Variants in ZNF16 observed in about 807,000 individuals in gnomAD.
The protein encoded by ZNF16 is zinc finger protein 16, also known as zinc finger protein KOX9.
A neutral mutation model predicts 9.0 loss-of-function variants in ZNF16; 7 were observed. The observed-to-expected ratio is 0.78, with a 90% CI of 0.44 to 1.47. The LOEUF is 1.47. Ranked by LOEUF, ZNF16 falls within the 40% of genes most tolerant of loss-of-function variation. ZNF16 has a pLI of 0.01. For synonymous variants in ZNF16, 312 were observed against 301.5 expected (o/e 1.03, Z -0.36); for missense variants, 830 against 854.2 (o/e 0.97, Z 0.35).
In ZNF16 at chr8:144,946,058, C is replaced by G; in HGVS notation, c.149G>C (p.Cys50Ser). 1 of 1,613,750 alleles carries G rather than the reference C, an allele frequency of 6.2e-7. No homozygotes were observed. The highest frequency in any genetic ancestry group is 8.5e-7 in the Non-Finnish European group (1 of 1,179,742). ...PGSAACGTPCCSDTELEAICP... is the reference protein window; with the variant it reads ...PGSAACGTPCSSDTELEAICP... ...GATGGCTTCCAGCTCAGTATCACTACAGCAGGGGGTACCACAGGCTGCAGA... is the reference window on the plus strand; with the variant it reads ...GATGGCTTCCAGCTCAGTATCACTAGAGCAGGGGGTACCACAGGCTGCAGA... Residue 50 changes from cysteine to serine, a missense_variant, in exon 2 of 3, where the codon TGT becomes TCT. Physicochemically the swap from Cys to Ser is moderately radical, Grantham distance 112. Transcript: ENST00000394909.
Position 144,946,035 on chromosome 8 carries a change from T to C in ZNF16, c.172A>G (p.Ile58Val). ...PCCSDTELEA[I>V]CPHYQQPDCD... ...CCTGGCTGCTGATAGTGAGGGCAGATGGCTTCCAGCTCAGTATCACTACAG... is the reference window on the plus strand; with the variant it reads ...CCTGGCTGCTGATAGTGAGGGCAGACGGCTTCCAGCTCAGTATCACTACAG... The change falls in exon 2 of 3, where the codon ATC (isoleucine) becomes GTC (valine). Residue 58 changes from isoleucine (I) to valine (V), a missense_variant. By Grantham distance (29) the Ile-to-Val change is conservative (BLOSUM62 3). Transcript: ENST00000394909. 2 of 1,613,804 alleles carry C rather than the reference T, an allele frequency of 1.2e-6. No individual in the cohort carries two copies. Among genetic ancestry groups the C allele is most frequent in the Non-Finnish European group, 1.7e-6 (2 of 1,179,812 alleles).
At chr8:144,945,364 C>G (rs1833900766) in intron 2 of ZNF16, 1 of 152,310 alleles carries the variant, frequency 6.6e-6, no homozygotes, top group Non-Finnish European at 1.5e-5. Flanking sequence ...GTCTCGAACT[C>G]CTGGCCTCAA....
Position 144,930,971 on chromosome 8 carries a change from A to G in ZNF16, c.1816T>C (p.Cys606Arg), listed in dbSNP as rs146707278. Residue 606 changes from cysteine (C) to arginine (R), a missense_variant, in exon 3 of 3, where the codon TGT (cysteine) becomes CGT (arginine). Transcript: ENST00000394909. Reference sequence around the variant, plus strand: ...GAGCTCTGGCTGAAGCCCTTACCACATTCAACACAGGTGTAGGGTTTTTCC... The same window carrying G: ...GAGCTCTGGCTGAAGCCCTTACCACGTTCAACACAGGTGTAGGGTTTTTCC... The part of the protein sequence containing the change: ...TGEKPYTCVE[C>R]GKGFSQSSHL... 4 of 1,614,164 alleles carry G rather than the reference A, an allele frequency of 2.5e-6. No individual in the cohort carries two copies. Among genetic ancestry groups the G allele is most frequent in the South Asian group, 2.2e-5 (2 of 91,088 alleles).
intron 2 of ZNF16, among the ~76,000 whole-genome samples, chr8:144,942,378 C>T (rs1833823398): frequency 6.6e-6 from 1 of 151,902 alleles, no homozygotes; most frequent in Admixed American, 6.6e-5. Context: ...ACCTCTGCCT[C>T]CTGGGTTCAA....
intron 1 of ZNF16, among the ~76,000 whole-genome samples, chr8:144,947,059 G>A (rs74214297): frequency 3.8e-5 from 5 of 130,158 alleles, no homozygotes; most frequent in African/African-American, 1.4e-4. Context: ...CCTGTGTCCT[G>A]CTGTGGGCCT....
Position 144,931,863 on chromosome 8 carries a change from A to C in ZNF16, c.924T>G (p.Leu308=), listed in dbSNP as rs762871025. The C allele has an allele frequency of 8.1e-6, 13 of 1,613,750 alleles. No homozygotes were observed. In the African/African-American group the frequency reaches 1.7e-4, roughly 22 times the overall value. ...CGKAFSQNSS[L]KKHQKSHMSE... ...TCATGTGAGACTTTTGGTGCTTTTT[A>C]AGGCTCGAGTTCTGGCTGAAGGCTT... The change falls in exon 3 of 3, where the codon CTT becomes CTG. Residue 308 remains leucine, a synonymous_variant. Coordinates refer to ENST00000394909, the MANE Select transcript of ZNF16 (RefSeq NM_006958.3).
chr8:144,933,793 C>T lies in ZNF16; in HGVS notation c.197-1203G>A, dbSNP rs996925577. Reference sequence around the variant, plus strand: ...CCCAGAGCACTCTCCACATGGCCCTCGTGCTACCCACTTCCCTTGCACAGG... The same window carrying T: ...CCCAGAGCACTCTCCACATGGCCCTTGTGCTACCCACTTCCCTTGCACAGG... On this transcript the variant is annotated intron_variant, in intron 2 of 2. Coordinates refer to ENST00000394909, the MANE Select transcript of ZNF16 (RefSeq NM_006958.3). The surrounding 1 kb of genome is among the most constrained non-coding windows in gnomAD (Gnocchi z 5.6). Among the ~76,000 whole-genome samples the T allele has an allele frequency of 3.9e-5, 6 of 152,346 alleles. No individual in the cohort carries two copies. The highest frequency in any genetic ancestry group is 1.9e-4 in the East Asian group (1 of 5,182).
At chr8:144,940,498 T>C (rs571591123) in intron 2 of ZNF16, among the ~76,000 whole-genome samples, 14 of 152,352 alleles carry the variant, frequency 9.2e-5, no homozygotes, top group African/African-American at 2.6e-4. Flanking sequence ...CTTTGATCCA[T>C]TGGTTGTTTT....
At position 144,930,783 on chromosome 8, in the gene ZNF16, C is replaced by A. The variant is rs1833504682; in HGVS notation, c.2004G>T (p.Gln668His). The A allele has an allele frequency of 1.3e-6, 2 of 1,542,910 alleles. No homozygotes were observed. The highest frequency in any genetic ancestry group is 1.7e-6 in the Non-Finnish European group (2 of 1,147,730). Residue 668 changes from glutamine to histidine, a missense_variant, in exon 3 of 3, where the codon CAG becomes CAT. Gln to His is a conservative substitution (Grantham distance 24, BLOSUM62 0). Transcript: ENST00000394909. ...DCAACGKAFS[Q>H]RSKLIKHQLI... ...ACTGGTGTTTGATCAACTTTGATCG[C>A]TGGCTGAAGGCTTTCCCACAAGCAG...
intron 1 of ZNF16, among the ~76,000 whole-genome samples, chr8:144,946,780 T>C (rs78585836): frequency 1.1e-5 from 1 of 95,090 alleles, no homozygotes; most frequent in Middle Eastern, 8.8e-3. Context: ...TGGGCCTGTG[T>C]CCTGCTGTGG....
intron 2 of ZNF16, among the ~76,000 whole-genome samples, chr8:144,942,251 T>C (rs1469339002): frequency 4.0e-5 from 6 of 151,290 alleles, no homozygotes; most frequent in Non-Finnish European, 8.8e-5. Context: ...GTGCTGGGAT[T>C]ACAGGCATGA....
Position 144,930,580 on chromosome 8 carries a change from G to A in ZNF16, c.*158C>T, listed in dbSNP as rs1833498338. On this transcript the variant is annotated 3_prime_UTR_variant, in exon 3 of 3. Transcript: ENST00000394909. Reference sequence around the variant, plus strand: ...GGCAGTGAGAAGGGAGCCTGTAAAGGATGTTTCAAAGGAGGGTCCCAGGCT... The same window carrying A: ...GGCAGTGAGAAGGGAGCCTGTAAAGAATGTTTCAAAGGAGGGTCCCAGGCT... 1 of 737,336 alleles carries A rather than the reference G, an allele frequency of 1.4e-6. No homozygotes were observed. The highest frequency in any genetic ancestry group is 2.1e-6 in the Non-Finnish European group (1 of 470,916). 45.7% of individuals were successfully genotyped at this position (737,336 alleles called of 1,614,324 possible). A position where few individuals can be genotyped will look rare whatever the true frequency, so the allele number is the denominator to read the frequency against.
At chr8:144,937,809 G>C (rs1356125903) in intron 2 of ZNF16, among the ~76,000 whole-genome samples, 1 of 151,130 alleles carries the variant, frequency 6.6e-6, no homozygotes, top group Non-Finnish European at 1.5e-5. Context: ...CCCTGGAGTA[G>C]GCACCAACAC....
rs756978146 is a variant in ZNF16 at position 144,933,126 on chromosome 8, G to T, written c.197-536C>A. On this transcript the variant is annotated intron_variant, in intron 2 of 2. Coordinates refer to ENST00000394909, the MANE Select transcript of ZNF16 (RefSeq NM_006958.3). This position sits in a 1 kb window ranked among gnomAD's most constrained non-coding sequence, Gnocchi z 5.6. Reference sequence around the variant, plus strand: ...TGTCAGTGCATGCTAATGGCACTGAGCTTGGTCTTAGGAGTCACTAGTGTG... The same window carrying T: ...TGTCAGTGCATGCTAATGGCACTGATCTTGGTCTTAGGAGTCACTAGTGTG... Among the ~76,000 whole-genome samples, 1 of 152,174 alleles carries T rather than the reference G, an allele frequency of 6.6e-6. No individual in the cohort carries two copies. Among genetic ancestry groups the T allele is most frequent in the South Asian group, 2.1e-4 (1 of 4,830 alleles).
chr8:144,931,848 CT>C lies in ZNF16; in HGVS notation c.938del (p.Lys313SerfsTer4), dbSNP rs753692481. 1 of 1,614,206 alleles carries C rather than the reference CT, an allele frequency of 6.2e-7. No individual in the cohort carries two copies. The highest frequency in any genetic ancestry group is 1.7e-5 in the Admixed American group (1 of 60,026). ...SQNSSLKKHQ[K>X]SHMSEKPYEC... ...CATAGGGCTTCTCACTCATGTGAGA[CT>C]TTTGGTGCTTTTTAAGGCTCGAGTT... On this transcript the variant is annotated frameshift_variant, in exon 3 of 3. Coordinates refer to ENST00000394909, the MANE Select transcript of ZNF16 (RefSeq NM_006958.3). LOFTEE classifies it low-confidence loss of function (END_TRUNC).
chr8:144,945,848 G>C, intron 2 of ZNF16, 163 bp downstream of exon 2: 1 of 1,372,684 alleles, frequency 7.3e-7, no homozygotes, highest in Non-Finnish European at 9.6e-7. Flanking sequence ...GCCAGGCTAG[G>C]TTAACTTCCT....
In ZNF16 at chr8:144,950,217, A is replaced by G. The variant is rs531689046; in HGVS notation, c.-10+580T>C. Reference sequence around the variant, plus strand: ...GCTTTTTTTTGCTGACCTTCTCCCTATTATCACCCTGCTCTCCTACTGCAT... The same window carrying G: ...GCTTTTTTTTGCTGACCTTCTCCCTGTTATCACCCTGCTCTCCTACTGCAT... On this transcript the variant is annotated intron_variant, in intron 1 of 2. Transcript: ENST00000394909. 4.1e-5 allele frequency among the ~76,000 whole-genome samples: 6 copies of G among 148,004 alleles called. No individual in the cohort carries two copies. The South Asian group carries it at 1.3e-3, about 31-fold the overall frequency.
rs1308555366 is a variant in ZNF16, at chr8:144,930,796, T to C, written c.1991A>G (p.Lys664Arg). 1.3e-6 allele frequency: 2 copies of C among 1,551,494 alleles called. No homozygotes were observed. The highest frequency in any genetic ancestry group is 1.7e-6 in the Non-Finnish European group (2 of 1,151,720). ...CAACTTTGATCGCTGGCTGAAGGCT[T>C]TCCCACAAGCAGCACAGTCATAGGG... ...VKPYDCAACGKAFSQRSKLIK... is the reference protein window; with the variant it reads ...VKPYDCAACGRAFSQRSKLIK... Residue 664 changes from lysine to arginine, a missense_variant, in exon 3 of 3, where the codon AAA becomes AGA. Coordinates refer to ENST00000394909, the MANE Select transcript of ZNF16 (RefSeq NM_006958.3).
chr8:144,935,073 A>G (rs1316775609), intron 2 of ZNF16, among the ~76,000 whole-genome samples: 1 of 152,188 alleles, frequency 6.6e-6, no homozygotes, highest in Non-Finnish European at 1.5e-5. Flanking sequence ...GTACGTGAGA[A>G]GGGTGAGAGA....
Sources: allele counts gnomAD v4.1 joint callset (sites outside exome capture counted in the v4.1 genomes callset), GRCh38; gene constraint gnomAD v4.1.1; non-coding constraint Gnocchi (gnomAD v3.1); transcripts MANE v1.5; gene names NCBI Gene and HGNC (gene_info 2026-07-23, HGNC 2026-07-21).